The following SYTL3 variants were observed in gnomAD, a reference collection of about 807,000 sequenced individuals.
SYTL3 encodes synaptotagmin-like protein 3.
In SYTL3, 88 loss-of-function variants were observed where a neutral mutation model predicts 82.1. The ratio of observed to expected loss-of-function variants is 1.07; its 90% CI spans 0.90 to 1.28. The LOEUF (loss-of-function observed/expected upper bound fraction) is 1.28, where lower values mean the gene tolerates loss of function less well. Among genes scored for constraint, SYTL3 ranks in the 50% most tolerant of loss-of-function variants. SYTL3 has a pLI of 0.00. For synonymous variants in SYTL3, 311 were observed against 289.4 expected, an observed-to-expected ratio of 1.07 and a Z score of -0.76; for missense variants, 831 against 757.6, an observed-to-expected ratio of 1.10 and a Z score of -1.14.
At chr6:158,762,200 A>G (rs960833166) in intron 16 of SYTL3, 22 bp downstream of exon 16, 3 of 1,556,696 alleles carry the variant, frequency 1.9e-6, no homozygotes, top group African/African-American at 1.4e-5. Flanking sequence ...ATGTAATCAA[A>G]TATTTATTGG....
intron 5 of SYTL3, among the ~76,000 whole-genome samples, chr6:158,670,639 C>T (rs765530778): frequency 7.9e-5 from 12 of 151,990 alleles, no homozygotes; most frequent in Admixed American, 7.2e-4. Flanking sequence ...AAAATTAGGC[C>T]GGGCACAGTG....
chr6:158,693,585 A>G (rs545204192), intron 6 of SYTL3, among the ~76,000 whole-genome samples: 2 of 152,276 alleles, frequency 1.3e-5, no homozygotes, highest in East Asian at 1.9e-4. Flanking sequence ...GGGTTTCACC[A>G]TGTTGGCCAA....
At chr6:158,656,834 A>T (rs570484956) in intron 2 of SYTL3, among the ~76,000 whole-genome samples, 5 of 152,334 alleles carry the variant, frequency 3.3e-5, no homozygotes, top group African/African-American at 9.6e-5. Context: ...AGAAATATGC[A>T]GCGAATTTTA....
chr6:158,727,717 T>C (rs1784914119), intron 11 of SYTL3, among the ~76,000 whole-genome samples: 1 of 87,218 alleles, frequency 1.1e-5, no homozygotes, highest in Non-Finnish European at 2.3e-5. Context: ...GAAGTCTCCC[T>C]CTGTTGCCCA....
intron 6 of SYTL3, among the ~76,000 whole-genome samples, chr6:158,688,141 A>G (rs1418997943): frequency 6.6e-6 from 1 of 152,228 alleles, no homozygotes; most frequent in East Asian, 1.9e-4. Flanking sequence ...AAATACACCA[A>G]ATATATGCAC....
chr6:158,692,428 C>T (rs1780008728), intron 6 of SYTL3, among the ~76,000 whole-genome samples: 2 of 152,118 alleles, frequency 1.3e-5, no homozygotes, highest in South Asian at 4.1e-4. Context: ...CATCATGTAA[C>T]TAACCAGGTT....
chr6:158,713,700 C>T, intron 8 of SYTL3, 100 bp from the exon 9 acceptor site: 1 of 836,460 alleles, frequency 1.2e-6, no homozygotes, highest in Non-Finnish European at 2.0e-6. Flanking sequence ...CTCGCACACA[C>T]CCACATGCCA....
chr6:158,678,157 G>A (rs2033972), intron 5 of SYTL3, among the ~76,000 whole-genome samples: 3 of 152,140 alleles, frequency 2.0e-5, no homozygotes, highest in Admixed American at 6.6e-5. Flanking sequence ...GATTACAGGC[G>A]TGTCCCACCA....
chr6:158,734,118 A>G (rs959068123), intron 11 of SYTL3, among the ~76,000 whole-genome samples: 2 of 143,786 alleles, frequency 1.4e-5, no homozygotes, highest in African/African-American at 5.2e-5. Flanking sequence ...AAAAAAAAAG[A>G]AGCACCCTTT....
intron 2 of SYTL3, among the ~76,000 whole-genome samples, chr6:158,660,180 G>C: frequency 6.6e-6 from 1 of 152,126 alleles, no homozygotes; most frequent in Non-Finnish European, 1.5e-5. Flanking sequence ...CAGGAGAATT[G>C]CTTGAACCCA....
intron 6 of SYTL3, among the ~76,000 whole-genome samples, chr6:158,702,036 G>A (rs1004955731): frequency 2.0e-5 from 3 of 151,896 alleles, no homozygotes; most frequent in Admixed American, 6.6e-5. Context: ...GCAGTGCTGC[G>A]ATTATAGCTC....
At chr6:158,757,086 C>T in intron 13 of SYTL3, 125 bp from the exon 14 acceptor site, 1 of 939,914 alleles carries the variant, frequency 1.1e-6, no homozygotes, top group Non-Finnish European at 1.5e-6. Context: ...TGGACTCAGC[C>T]TGTGGGAGGG....
At chr6:158,704,546 T>C (rs1483263192) in intron 6 of SYTL3, among the ~76,000 whole-genome samples, 1 of 152,316 alleles carries the variant, frequency 6.6e-6, no homozygotes, top group East Asian at 1.9e-4. Flanking sequence ...GGGGTGACAG[T>C]AATCGTGCAG....
chr6:158,676,968 C>T (rs1416926023), intron 5 of SYTL3, among the ~76,000 whole-genome samples: 1 of 152,118 alleles, frequency 6.6e-6, no homozygotes, highest in African/African-American at 2.4e-5. Flanking sequence ...GGACTGTAAA[C>T]TAGTTCAACC....
At chr6:158,739,821 GTCTCTTATACTCTTTATTTT>G (rs1562447329) in intron 11 of SYTL3, among the ~76,000 whole-genome samples, 1 of 152,052 alleles carries the variant, frequency 6.6e-6, no homozygotes, top group Non-Finnish European at 1.5e-5. Flanking sequence ...GGCCCTGTAT[GTCTCTTATACTCTTTATTTT>G]TCATTCATTT....
At chr6:158,678,162 C>T (rs2128398538) in intron 5 of SYTL3, among the ~76,000 whole-genome samples, 2 of 152,262 alleles carry the variant, frequency 1.3e-5, no homozygotes, top group East Asian at 3.9e-4. Context: ...CAGGCGTGTC[C>T]CACCAATGCG....
At chr6:158,695,825 G>T (rs767689058) in intron 6 of SYTL3, among the ~76,000 whole-genome samples, 1 of 152,010 alleles carries the variant, frequency 6.6e-6, no homozygotes, top group African/African-American at 2.4e-5. Flanking sequence ...ATTTCCTCAG[G>T]GTTCATTCAT....
intron 5 of SYTL3, among the ~76,000 whole-genome samples, chr6:158,676,903 A>T (rs565543253): frequency 0.031 from 4,748 of 152,106 alleles, 262 homozygotes; most frequent in African/African-American, 0.11. Flanking sequence ...AAGTCAGGAA[A>T]CAACAGGTGC....
chr6:158,762,655 G>C (rs1790129524), intron 16 of SYTL3, among the ~76,000 whole-genome samples: 1 of 152,196 alleles, frequency 6.6e-6, no homozygotes, highest in African/African-American at 2.4e-5. Context: ...AGTGGCTCGT[G>C]CCTGTAATCC....
Sources: gnomAD v4.1 joint callset for allele counts (sites outside exome capture counted in the v4.1 genomes callset) on GRCh38, gnomAD v4.1.1 for gene constraint, MANE v1.5 for transcripts, NCBI Gene and HGNC (gene_info 2026-07-23, HGNC 2026-07-21) for gene names.